Variants in LHFPL3 observed in about 807,000 individuals in gnomAD.
LHFPL3 encodes LHFPL tetraspan subfamily member 3 protein.
A neutral mutation model predicts 19.3 loss-of-function variants in LHFPL3; 5 were observed. The observed-to-expected ratio is 0.26, with a 90% CI of 0.14 to 0.54. The LOEUF is 0.54. LHFPL3 is among the 20% of genes least tolerant of loss of function. The pLI is 0.94. For synonymous variants in LHFPL3, 133 were observed against 126.2 expected, an observed-to-expected ratio of 1.05 and a Z score of -0.36; for missense variants, 249 against 307.4, an observed-to-expected ratio of 0.81 and a Z score of 1.42.
chr7:104,479,901 C>T (rs2115652585), intron 1 of LHFPL3, among the ~76,000 whole-genome samples: 1 of 152,292 alleles, frequency 6.6e-6, no homozygotes, highest in Admixed American at 6.5e-5. Flanking sequence ...CTAAAAATTT[C>T]TCATTGATCA....
intron 1 of LHFPL3, among the ~76,000 whole-genome samples, chr7:104,701,277 G>A (rs1584487284): frequency 1.3e-5 from 2 of 151,968 alleles, no homozygotes; most frequent in South Asian, 4.1e-4. Flanking sequence ...TAACATTATA[G>A]TTGACCCTTG....
At chr7:104,396,744 C>G (rs886565353) in intron 1 of LHFPL3, among the ~76,000 whole-genome samples, 1 of 151,872 alleles carries the variant, frequency 6.6e-6, no homozygotes, top group African/African-American at 2.4e-5. Flanking sequence ...ATTGCTCGAG[C>G]TCAGGAGTTC....
chr7:104,655,765 C>A (rs1350422465), intron 1 of LHFPL3, among the ~76,000 whole-genome samples: 1 of 152,182 alleles, frequency 6.6e-6, no homozygotes, highest in Non-Finnish European at 1.5e-5. Flanking sequence ...TCCACCCAAC[C>A]ATTCACTGTT....
intron 2 of LHFPL3, among the ~76,000 whole-genome samples, chr7:104,874,406 TG>T (rs35863156): frequency 0.062 from 8,201 of 131,658 alleles, 576 homozygotes; most frequent in East Asian, 0.42. Flanking sequence ...TTTTTTTTTT[TG>T]GGGGGGGGAC....
chr7:104,439,637 G>A (rs1792178045), intron 1 of LHFPL3, among the ~76,000 whole-genome samples: 2 of 151,940 alleles, frequency 1.3e-5, no homozygotes, highest in African/African-American at 2.4e-5. Context: ...CAAAGTCAAT[G>A]TTCATTCATA....
intron 1 of LHFPL3, among the ~76,000 whole-genome samples, chr7:104,710,329 T>G (rs1171686760): frequency 6.6e-6 from 1 of 152,206 alleles, no homozygotes; most frequent in Non-Finnish European, 1.5e-5. Context: ...GTGAGTCTGA[T>G]TTTTGCATTT....
At chr7:104,686,254 G>A (rs1792803342) in intron 1 of LHFPL3, among the ~76,000 whole-genome samples, 2 of 152,168 alleles carry the variant, frequency 1.3e-5, no homozygotes, top group South Asian at 4.1e-4. Flanking sequence ...AAACAGCTGA[G>A]TATCTAGCAA....
At chr7:104,835,996 T>G (rs1348124201) in intron 2 of LHFPL3, among the ~76,000 whole-genome samples, 3 of 151,956 alleles carry the variant, frequency 2.0e-5, no homozygotes, top group Middle Eastern at 3.2e-3. Context: ...TAAAGTGCTA[T>G]GCAGAGAATT....
intron 1 of LHFPL3, among the ~76,000 whole-genome samples, chr7:104,375,794 A>T (rs559687090): frequency 1.3e-5 from 2 of 152,200 alleles, no homozygotes; most frequent in Non-Finnish European, 2.9e-5. Flanking sequence ...TGCCTGGGCT[A>T]CTATTTCTCT....
At chr7:104,578,244 G>A (rs1790381141) in intron 1 of LHFPL3, among the ~76,000 whole-genome samples, 1 of 152,212 alleles carries the variant, frequency 6.6e-6, no homozygotes, top group Non-Finnish European at 1.5e-5. Flanking sequence ...CCAGGTGTGG[G>A]TAACTCCTAG....
chr7:104,401,521 T>C (rs1397777466), intron 1 of LHFPL3, among the ~76,000 whole-genome samples: 1 of 151,928 alleles, frequency 6.6e-6, no homozygotes, highest in Non-Finnish European at 1.5e-5. Context: ...GAGAAAAAAA[T>C]GAACATAACC....
chr7:104,483,222 T>G (rs183116182), intron 1 of LHFPL3, among the ~76,000 whole-genome samples: 129 of 152,360 alleles, frequency 8.5e-4, no homozygotes, highest in African/African-American at 3.0e-3. Flanking sequence ...ACTCCTGGTT[T>G]GTTTTGCAGG....
At chr7:104,490,330 C>G (rs1436374407) in intron 1 of LHFPL3, among the ~76,000 whole-genome samples, 1 of 152,140 alleles carries the variant, frequency 6.6e-6, no homozygotes, top group Non-Finnish European at 1.5e-5. Context: ...GTGACTTTTG[C>G]ATGGAAGCAG....
chr7:104,867,650 CAAG>C (rs1791753099), intron 2 of LHFPL3, among the ~76,000 whole-genome samples: 1 of 152,186 alleles, frequency 6.6e-6, no homozygotes, highest in African/African-American at 2.4e-5. Flanking sequence ...ACCAGAGGTA[CAAG>C]GAGGAGCTGG....
intron 1 of LHFPL3, among the ~76,000 whole-genome samples, chr7:104,603,072 T>TTC (rs769219046): frequency 7.8e-5 from 4 of 51,322 alleles, no homozygotes; most frequent in African/African-American, 1.9e-4. Flanking sequence ...TTCTTTTTCT[T>TTC]TCTTTCTTTC....
chr7:104,434,567 G>A (rs935834791), intron 1 of LHFPL3, among the ~76,000 whole-genome samples: 5 of 152,174 alleles, frequency 3.3e-5, no homozygotes, highest in African/African-American at 1.2e-4. Context: ...AGATCAATCA[G>A]TATCCCAGGT....
chr7:104,837,789 A>G (rs1791126048), intron 2 of LHFPL3, among the ~76,000 whole-genome samples: 1 of 152,188 alleles, frequency 6.6e-6, no homozygotes, highest in Admixed American at 6.5e-5. Context: ...CAAAGCCCAC[A>G]CAGGAATTTA....
At chr7:104,366,087 A>C (rs1790490717) in intron 1 of LHFPL3, among the ~76,000 whole-genome samples, 1 of 152,178 alleles carries the variant, frequency 6.6e-6, no homozygotes, top group Non-Finnish European at 1.5e-5. Context: ...GCTTAGGAGA[A>C]AAACAGAAGA....
At chr7:104,823,787 T>C (rs538338502) in intron 2 of LHFPL3, among the ~76,000 whole-genome samples, 2 of 152,164 alleles carry the variant, frequency 1.3e-5, no homozygotes, top group South Asian at 4.1e-4. Context: ...CCACATTTGC[T>C]GATATGGCCA....
Sources: gnomAD v4.1 joint callset for allele counts (sites outside exome capture counted in the v4.1 genomes callset) on GRCh38, gnomAD v4.1.1 for gene constraint, MANE v1.5 for transcripts, NCBI Gene and HGNC (gene_info 2026-07-23, HGNC 2026-07-21) for gene names.